Variants in TECRL observed in about 807,000 individuals in gnomAD.
TECRL encodes trans-2,3-enoyl-CoA reductase-like.
In TECRL, 63 loss-of-function variants were observed where a neutral mutation model predicts 52.8. That is an observed-to-expected ratio of 1.19 (90% CI 0.97 to 1.47). The LOEUF (loss-of-function observed/expected upper bound fraction) is 1.47. Among genes scored for constraint, TECRL ranks in the 40% most tolerant of loss-of-function variants. The pLI is 0.00. For missense variants in TECRL, 482 were observed against 429.6 expected, an observed-to-expected ratio of 1.12 and a Z score of -1.08; for synonymous variants, 164 against 141.9, an observed-to-expected ratio of 1.16 and a Z score of -1.10.
At chr4:64,332,013 A>G (rs1718674636) in intron 2 of TECRL, among the ~76,000 whole-genome samples, 1 of 152,190 alleles carries the variant, frequency 6.6e-6, no homozygotes, top group South Asian at 2.1e-4. Flanking sequence ...AAAATATTTT[A>G]TCAAAATCTC....
At chr4:64,391,254 T>G (rs932856512) in intron 1 of TECRL, among the ~76,000 whole-genome samples, 22 of 151,852 alleles carry the variant, frequency 1.4e-4, no homozygotes, top group South Asian at 2.1e-4. Context: ...GGTGATCCTA[T>G]GTAAAAATAG....
At chr4:64,403,861 T>G (rs1724532441) in intron 1 of TECRL, among the ~76,000 whole-genome samples, 1 of 101,416 alleles carries the variant, frequency 9.9e-6, no homozygotes, top group Non-Finnish European at 2.4e-5. Flanking sequence ...GAAGGAAAAA[T>G]GAAAAGAAAG....
intron 1 of TECRL, among the ~76,000 whole-genome samples, chr4:64,385,079 A>G (rs1181794741): frequency 6.6e-6 from 1 of 152,076 alleles, no homozygotes; most frequent in Non-Finnish European, 1.5e-5. Flanking sequence ...ATATGTGGGT[A>G]CCAGGGACAG....
At chr4:64,364,119 T>G (rs1276608298) in intron 2 of TECRL, among the ~76,000 whole-genome samples, 1 of 152,082 alleles carries the variant, frequency 6.6e-6, no homozygotes, top group Non-Finnish European at 1.5e-5. Flanking sequence ...CTCAGAGCCA[T>G]ATATCTACGT....
intron 2 of TECRL, among the ~76,000 whole-genome samples, chr4:64,335,775 G>A (rs191798822): frequency 2.6e-5 from 4 of 152,218 alleles, no homozygotes; most frequent in Middle Eastern, 3.4e-3. Flanking sequence ...AAGAGTATTA[G>A]GAGTCCTTTT....
intron 2 of TECRL, among the ~76,000 whole-genome samples, chr4:64,359,142 A>G (rs1328879856): frequency 3.3e-5 from 5 of 152,068 alleles, no homozygotes; most frequent in African/African-American, 9.6e-5. Flanking sequence ...CTCCTCATAC[A>G]CTAATCCTGT....
At chr4:64,381,590 TTTAATCA>T (rs751824072) in intron 1 of TECRL, among the ~76,000 whole-genome samples, 2 of 152,046 alleles carry the variant, frequency 1.3e-5, no homozygotes, top group Non-Finnish European at 2.9e-5. Flanking sequence ...GTTTCTTTTT[TTTAATCA>T]TAAAGGGATT....
At chr4:64,368,560 C>T (rs1169152847) in intron 2 of TECRL, among the ~76,000 whole-genome samples, 2 of 152,180 alleles carry the variant, frequency 1.3e-5, no homozygotes, top group East Asian at 3.9e-4. Context: ...TCCGAAAGTG[C>T]TGGGATTACA....
At chr4:64,339,947 G>T (rs573706797) in intron 2 of TECRL, among the ~76,000 whole-genome samples, 1 of 152,150 alleles carries the variant, frequency 6.6e-6, no homozygotes, top group Non-Finnish European at 1.5e-5. Flanking sequence ...CCTGAGGAAC[G>T]TACCTACTTT....
At chr4:64,280,987 T>C (rs903797973) in intron 11 of TECRL, 54 bp downstream of exon 11, 16 of 1,357,970 alleles carry the variant, frequency 1.2e-5, no homozygotes, top group African/African-American at 2.9e-5. Context: ...TCAGAAACCA[T>C]TTATCTTAAA....
intron 2 of TECRL, among the ~76,000 whole-genome samples, chr4:64,346,964 T>A (rs964535710): frequency 6.6e-6 from 1 of 152,254 alleles, no homozygotes; most frequent in East Asian, 1.9e-4. Context: ...TTGAAGCCTG[T>A]TCTGTGTGTG....
chr4:64,323,135 C>T (rs1718022218), intron 3 of TECRL, among the ~76,000 whole-genome samples: 1 of 151,982 alleles, frequency 6.6e-6, no homozygotes, highest in South Asian at 2.1e-4. Context: ...TGTGAAGGCT[C>T]ACATCTGTAA....
intron 8 of TECRL, among the ~76,000 whole-genome samples, chr4:64,298,368 T>C (rs568276910): frequency 1.3e-5 from 2 of 151,278 alleles, no homozygotes; most frequent in African/African-American, 4.8e-5. Context: ...AAGTGATATG[T>C]GAAGACGAAA....
At chr4:64,353,260 T>A (rs1404201709) in intron 2 of TECRL, among the ~76,000 whole-genome samples, 1 of 152,158 alleles carries the variant, frequency 6.6e-6, no homozygotes, top group Non-Finnish European at 1.5e-5. Flanking sequence ...TCAACATAGT[T>A]AATACACAGT....
At chr4:64,328,460 T>C in intron 3 of TECRL, 52 bp downstream of exon 3, 2 of 1,492,346 alleles carry the variant, frequency 1.3e-6, no homozygotes, top group Non-Finnish European at 1.9e-6. Flanking sequence ...CTTTTGAAAA[T>C]AGAAAAGGGA....
intron 8 of TECRL, among the ~76,000 whole-genome samples, chr4:64,299,418 T>A (rs1450738122): frequency 1.3e-5 from 2 of 151,166 alleles, no homozygotes; most frequent in East Asian, 1.9e-4. Context: ...TTAAAAAAAG[T>A]GTCAAATGAA....
chr4:64,296,451 A>T (rs2109964549), intron 8 of TECRL, among the ~76,000 whole-genome samples: 1 of 151,994 alleles, frequency 6.6e-6, no homozygotes, highest in African/African-American at 2.4e-5. Flanking sequence ...ACTAATGACA[A>T]CACTGAAGAC....
chr4:64,327,643 C>A (rs984145494), intron 3 of TECRL, among the ~76,000 whole-genome samples: 15 of 152,106 alleles, frequency 9.9e-5, no homozygotes, highest in Middle Eastern at 3.4e-3. Flanking sequence ...AGAAATCTTG[C>A]ATATTTCTTT....
intron 8 of TECRL, among the ~76,000 whole-genome samples, chr4:64,292,680 C>T (rs1302277296): frequency 6.6e-6 from 1 of 151,932 alleles, no homozygotes; most frequent in Non-Finnish European, 1.5e-5. Context: ...AACACACTCA[C>T]AGAACTATAA....
Sources: gnomAD v4.1 joint callset for allele counts (sites outside exome capture counted in the v4.1 genomes callset) on GRCh38, gnomAD v4.1.1 for gene constraint, MANE v1.5 for transcripts, NCBI Gene and HGNC (gene_info 2026-07-23, HGNC 2026-07-21) for gene names.